Variants in CDKAL1 observed in about 807,000 individuals in gnomAD.
CDKAL1 encodes CDKAL1 threonylcarbamoyladenosine tRNA methylthiotransferase.
A neutral mutation model predicts 68.2 loss-of-function variants in CDKAL1; 32 were observed. That is an observed-to-expected ratio of 0.47 (90% CI 0.35 to 0.63). CDKAL1 has a LOEUF of 0.63. Among genes scored for constraint, CDKAL1 ranks in the 30% least tolerant of loss-of-function variants. The pLI is 0.00. For missense variants in CDKAL1, 606 were observed against 696.7 expected, an observed-to-expected ratio of 0.87 and a Z score of 1.47; for synonymous variants, 234 against 244.3, an observed-to-expected ratio of 0.96 and a Z score of 0.39.
At chr6:20,868,055 A>G (rs1055763448) in intron 9 of CDKAL1, among the ~76,000 whole-genome samples, 2 of 53,164 alleles carry the variant, frequency 3.8e-5, no homozygotes, top group Non-Finnish European at 1.2e-4. Flanking sequence ...TTACTTCTGT[A>G]TAATAAACAA....
chr6:20,877,570 G>A (rs930997199), intron 9 of CDKAL1, among the ~76,000 whole-genome samples: 3 of 152,166 alleles, frequency 2.0e-5, no homozygotes, highest in East Asian at 1.9e-4. Flanking sequence ...GTGTATTACC[G>A]CAGCTGGCCC....
chr6:20,800,874 A>G (rs1001883049), intron 8 of CDKAL1, among the ~76,000 whole-genome samples: 2 of 152,116 alleles, frequency 1.3e-5, no homozygotes, highest in African/African-American at 4.8e-5. Context: ...TTGGCCTCCA[A>G]AAGTGCTGGG....
chr6:20,586,347 A>C (rs1249218379), intron 4 of CDKAL1, among the ~76,000 whole-genome samples: 3 of 152,148 alleles, frequency 2.0e-5, no homozygotes, highest in South Asian at 4.1e-4. Flanking sequence ...CAAAAATGGA[A>C]GTGCTCGGCC....
intron 11 of CDKAL1, among the ~76,000 whole-genome samples, chr6:21,021,600 T>C (rs372052696): frequency 6.6e-6 from 1 of 152,154 alleles, no homozygotes; most frequent in African/African-American, 2.4e-5. Flanking sequence ...ACCCAAAAGA[T>C]TGAGAAAGCA....
chr6:20,616,869 A>ACACACC (rs1766934448), intron 4 of CDKAL1, among the ~76,000 whole-genome samples: 2 of 150,872 alleles, frequency 1.3e-5, no homozygotes, highest in Non-Finnish European at 3.0e-5. Context: ...ACACACACAC[A>ACACACC]CACACACACA....
At chr6:21,214,924 A>G (rs1362946397) in intron 15 of CDKAL1, among the ~76,000 whole-genome samples, 1 of 149,720 alleles carries the variant, frequency 6.7e-6, no homozygotes, top group African/African-American at 2.5e-5. Context: ...TGTTCCGGAG[A>G]TATATGTATA....
chr6:20,871,247 T>A (rs2150542365), intron 9 of CDKAL1, among the ~76,000 whole-genome samples: 1 of 152,340 alleles, frequency 6.6e-6, no homozygotes, highest in East Asian at 1.9e-4. Flanking sequence ...ATATATGTGC[T>A]TCTTTATCAA....
At chr6:21,076,908 A>G (rs1467707324) in intron 12 of CDKAL1, among the ~76,000 whole-genome samples, 1 of 152,056 alleles carries the variant, frequency 6.6e-6, no homozygotes, top group Non-Finnish European at 1.5e-5. Context: ...ATTTTGTTGT[A>G]TCTGGATTTC....
intron 15 of CDKAL1, among the ~76,000 whole-genome samples, chr6:21,207,458 C>G (rs907005080): frequency 1.3e-5 from 2 of 152,036 alleles, no homozygotes; most frequent in Middle Eastern, 6.8e-3. Context: ...CCCAGAGGGT[C>G]GAGGCTGCAG....
intron 9 of CDKAL1, among the ~76,000 whole-genome samples, chr6:20,870,063 G>T (rs140464128): frequency 1.3e-5 from 2 of 152,124 alleles, no homozygotes; most frequent in East Asian, 3.9e-4. Flanking sequence ...GAGAATCCCC[G>T]TGCATTTTGT....
At chr6:21,163,288 C>G (rs778111466) in intron 13 of CDKAL1, among the ~76,000 whole-genome samples, 21 of 152,222 alleles carry the variant, frequency 1.4e-4, no homozygotes, top group Middle Eastern at 3.4e-3. Context: ...GTTTTATAAC[C>G]TCCTCCACTT....
intron 11 of CDKAL1, among the ~76,000 whole-genome samples, chr6:21,029,476 C>G (rs114719395): frequency 7.2e-5 from 11 of 152,130 alleles, no homozygotes; most frequent in Non-Finnish European, 1.5e-4. Flanking sequence ...GTGGTCTTGG[C>G]AAATGGGATC....
chr6:20,594,506 C>CT (rs1338386809), intron 4 of CDKAL1, among the ~76,000 whole-genome samples: 45 of 151,152 alleles, frequency 3.0e-4, no homozygotes, highest in Admixed American at 1.2e-3. Context: ...GCAACCTCTG[C>CT]TTTTTTTTTG....
intron 9 of CDKAL1, among the ~76,000 whole-genome samples, chr6:20,884,258 A>G (rs2150567074): frequency 6.6e-6 from 1 of 152,274 alleles, no homozygotes; most frequent in African/African-American, 2.4e-5. Context: ...CCAAAATCCA[A>G]CACTTCATCT....
intron 10 of CDKAL1, among the ~76,000 whole-genome samples, chr6:20,974,075 C>T (rs1277542098): frequency 6.6e-6 from 1 of 152,234 alleles, no homozygotes; most frequent in Non-Finnish European, 1.5e-5. Flanking sequence ...GTTTACTTCT[C>T]TCTTTCACAG....
At chr6:21,120,355 A>G (rs963950271) in intron 13 of CDKAL1, among the ~76,000 whole-genome samples, 16 of 152,248 alleles carry the variant, frequency 1.1e-4, no homozygotes, top group Admixed American at 4.6e-4. Flanking sequence ...GCTAAAATCC[A>G]GTCTTTTAAT....
chr6:20,548,672 G>A lies in CDKAL1; in HGVS notation c.253G>A (p.Gly85Arg), dbSNP rs1329157051. 1.6e-5 allele frequency: 25 copies of A among 1,585,256 alleles called. No individual in the cohort carries two copies. The highest frequency in any genetic ancestry group is 2.0e-5 in the Non-Finnish European group (23 of 1,156,652). Residue 85 changes from glycine to arginine, a missense_variant, in exon 4 of 16, where the codon GGA becomes AGA. By Grantham distance (125) the Gly-to-Arg change is moderately radical (BLOSUM62 -2). Transcript: ENST00000274695. ...HNNSDGEYMA[G>R]QLAAYGYKIT... is the part of the protein sequence containing the mutation. ...TAATTCAGATGGAGAATATATGGCT[G>A]GACAGCTAGCTGCTTATGGCTATAA...
intron 12 of CDKAL1, among the ~76,000 whole-genome samples, chr6:21,072,355 G>T (rs1771824088): frequency 6.6e-6 from 1 of 152,042 alleles, no homozygotes; most frequent in African/African-American, 2.4e-5. Flanking sequence ...GCTTTTTCAT[G>T]TTTAAATAGT....
At chr6:20,667,173 C>T (rs1053798791) in intron 5 of CDKAL1, among the ~76,000 whole-genome samples, 2 of 152,146 alleles carry the variant, frequency 1.3e-5, no homozygotes, top group African/African-American at 4.8e-5. Flanking sequence ...CACATCTGGC[C>T]AGCCATTTTT....
Sources: allele counts gnomAD v4.1 joint callset (sites outside exome capture counted in the v4.1 genomes callset), GRCh38; gene constraint gnomAD v4.1.1; transcripts MANE v1.5; gene names NCBI Gene and HGNC (gene_info 2026-07-23, HGNC 2026-07-21).